Variants in NCAM2 observed in about 807,000 individuals in gnomAD.
The protein encoded by NCAM2 is neural cell adhesion molecule 2.
In NCAM2, 30 loss-of-function variants were observed where a neutral mutation model predicts 98.1. The observed-to-expected ratio is 0.31, with a 90% CI of 0.23 to 0.41. NCAM2 has a LOEUF of 0.41. Among genes scored for constraint, NCAM2 ranks in the 10% least tolerant of loss-of-function variants. The pLI is 1.00. For missense variants in NCAM2, 867 were observed against 1,005.8 expected (o/e 0.86, Z 1.87); for synonymous variants, 368 against 342.4 (o/e 1.07, Z -0.83).
chr21:21,092,796 A>T (rs767090552), intron 1 of NCAM2, among the ~76,000 whole-genome samples: 4 of 151,928 alleles, frequency 2.6e-5, no homozygotes, highest in Non-Finnish European at 5.9e-5. Flanking sequence ...ACATAGCTCA[A>T]TTAGTATATA....
chr21:21,231,757 A>G (rs1264130019), intron 1 of NCAM2, among the ~76,000 whole-genome samples: 1 of 151,368 alleles, frequency 6.6e-6, no homozygotes, highest in African/African-American at 2.4e-5. Context: ...AACCAAACAC[A>G]TGTTACCTTA....
intron 1 of NCAM2, among the ~76,000 whole-genome samples, chr21:21,232,827 A>T (rs1229624041): frequency 6.6e-6 from 1 of 151,600 alleles, no homozygotes; most frequent in African/African-American, 2.4e-5. Context: ...CTTGTGCTGT[A>T]TTTGACCCAG....
chr21:21,208,696 A>C (rs1204117608), intron 1 of NCAM2, among the ~76,000 whole-genome samples: 2 of 152,142 alleles, frequency 1.3e-5, no homozygotes, highest in Admixed American at 6.6e-5. Context: ...AAGAAAAAAA[A>C]AATCTTTGAC....
chr21:21,007,151 G>A (rs57921848), intron 1 of NCAM2, among the ~76,000 whole-genome samples: 7,343 of 152,194 alleles, frequency 0.048, 218 homozygotes, highest in Non-Finnish European at 0.058. Flanking sequence ...ATCAGCCAAT[G>A]TACTGACTAA....
chr21:21,001,748 A>G (rs1397263466), intron 1 of NCAM2, among the ~76,000 whole-genome samples: 1 of 152,206 alleles, frequency 6.6e-6, no homozygotes, highest in Non-Finnish European at 1.5e-5. Context: ...TCTCTCTTGC[A>G]ATGCAGTTCA....
chr21:21,438,941 T>C (rs1978816632), intron 12 of NCAM2, among the ~76,000 whole-genome samples: 1 of 151,814 alleles, frequency 6.6e-6, no homozygotes, highest in Non-Finnish European at 1.5e-5. Context: ...TTTTTATTAG[T>C]TGGGTGTGAA....
At chr21:21,484,014 T>A (rs527858180) in intron 15 of NCAM2, among the ~76,000 whole-genome samples, 1 of 152,200 alleles carries the variant, frequency 6.6e-6, no homozygotes, top group African/African-American at 2.4e-5. Context: ...CCATCAAACA[T>A]TGTGGGATAT....
At chr21:21,063,866 A>C (rs948933735) in intron 1 of NCAM2, among the ~76,000 whole-genome samples, 1 of 152,180 alleles carries the variant, frequency 6.6e-6, no homozygotes, top group Non-Finnish European at 1.5e-5. Flanking sequence ...AAAAATTTGT[A>C]TAAAGTTTCT....
At chr21:21,080,940 G>T (rs2065784754) in intron 1 of NCAM2, among the ~76,000 whole-genome samples, 1 of 152,110 alleles carries the variant, frequency 6.6e-6, no homozygotes, top group Non-Finnish European at 1.5e-5. Flanking sequence ...GAACAGGAAT[G>T]AAATGAAGTA....
chr21:21,142,986 T>C (rs921990609), intron 1 of NCAM2, among the ~76,000 whole-genome samples: 4 of 152,222 alleles, frequency 2.6e-5, no homozygotes, highest in African/African-American at 9.6e-5. Flanking sequence ...TCACAATTAT[T>C]AGCCCTGGTC....
chr21:21,345,010 C>T (rs2075148349), intron 8 of NCAM2, among the ~76,000 whole-genome samples: 1 of 152,154 alleles, frequency 6.6e-6, no homozygotes, highest in African/African-American at 2.4e-5. Context: ...TTTCCCCGAA[C>T]TTGTCCAAGA....
At chr21:21,533,166 C>CTTTTTTTTTTT (rs201532023) in intron 16 of NCAM2, among the ~76,000 whole-genome samples, 10,128 of 90,574 alleles carry the variant, frequency 0.11, 1,154 homozygotes, top group Admixed American at 0.14. Context: ...TGTTTGCTTG[C>CTTTTTTTTTTT]TTTTTTTTTT....
intron 1 of NCAM2, among the ~76,000 whole-genome samples, chr21:21,210,945 G>A (rs932108278): frequency 7.1e-6 from 1 of 140,616 alleles, no homozygotes; most frequent in South Asian, 2.2e-4. Flanking sequence ...AGAAGTACAG[G>A]AGTTTACTAA....
At chr21:21,424,628 A>C (rs1263471793) in intron 11 of NCAM2, among the ~76,000 whole-genome samples, 4 of 152,158 alleles carry the variant, frequency 2.6e-5, no homozygotes, top group African/African-American at 9.6e-5. Context: ...TGGGACTGTT[A>C]ATGAGTAAGG....
chr21:21,228,127 T>C (rs1004381222), intron 1 of NCAM2, among the ~76,000 whole-genome samples: 3 of 151,432 alleles, frequency 2.0e-5, no homozygotes, highest in African/African-American at 7.3e-5. Flanking sequence ...CTAAAGAAAG[T>C]CAACAGAGAA....
intron 1 of NCAM2, among the ~76,000 whole-genome samples, chr21:21,205,795 C>T (rs2069416117): frequency 6.6e-6 from 1 of 152,084 alleles, no homozygotes; most frequent in Admixed American, 6.6e-5. Flanking sequence ...GATTAGGTGT[C>T]AGCAGATTTG....
At chr21:21,421,418 T>C (rs889636595) in intron 11 of NCAM2, among the ~76,000 whole-genome samples, 1 of 22,676 alleles carries the variant, frequency 4.4e-5, no homozygotes, top group Non-Finnish European at 7.8e-5. Flanking sequence ...ATTTTCCTAA[T>C]ATTCCAAATT....
rs529388759 is a variant in NCAM2, at chr21:21,168,003, G to GA, written c.56-112567dup. On this transcript the variant is annotated intron_variant, in intron 1 of 17. Transcript: ENST00000400546. ...ACTAAATTACATGAAGATATTATAA[G>GA]AAAAAAAACTACAGTCCAACATAGC... is the stretch of plus-strand genomic sequence containing the variant. 2.8e-3 allele frequency among the ~76,000 whole-genome samples: 432 copies of GA among 151,608 alleles called. 2 individuals carry two copies. The highest frequency in any genetic ancestry group is 0.01 in the African/African-American group (417 of 41,364).
intron 1 of NCAM2, among the ~76,000 whole-genome samples, chr21:21,004,974 A>G (rs988410050): frequency 1.3e-5 from 2 of 152,174 alleles, no homozygotes; most frequent in Admixed American, 6.5e-5. Flanking sequence ...ACAAGGAGAA[A>G]AAAAATGAGT....
Sources: allele counts gnomAD v4.1 joint callset (sites outside exome capture counted in the v4.1 genomes callset), GRCh38; gene constraint gnomAD v4.1.1; transcripts MANE v1.5; gene names NCBI Gene and HGNC (gene_info 2026-07-23, HGNC 2026-07-21).